ANKRD6: variants seen among roughly 807,000 people sequenced by gnomAD.
ANKRD6 encodes ankyrin repeat domain 6.
ANKRD6 carries 56 observed loss-of-function variants against 82.3 expected under a neutral mutation model. That is an observed-to-expected ratio of 0.68 (90% CI 0.55 to 0.85). The LOEUF is 0.85. ANKRD6 is among the 40% of genes least tolerant of loss of function. The probability of loss-of-function intolerance (pLI) is 0.00; values close to 1 mark genes in which losing one functional copy is unlikely to be tolerated. For missense variants in ANKRD6, 852 were observed against 907.6 expected, an observed-to-expected ratio of 0.94 and a Z score of 0.79; for synonymous variants, 347 against 352.1, an observed-to-expected ratio of 0.99 and a Z score of 0.16.
chr6:89,522,031 G>A (rs181832792), intron 1 of ANKRD6, among the ~76,000 whole-genome samples: 22 of 152,292 alleles, frequency 1.4e-4, no homozygotes, highest in Non-Finnish European at 2.9e-4. Flanking sequence ...CAGTTGAAAT[G>A]CCTTGGCATC....
chr6:89,522,804 G>T (rs1261210182), intron 1 of ANKRD6, among the ~76,000 whole-genome samples: 1 of 152,134 alleles, frequency 6.6e-6, no homozygotes, highest in Non-Finnish European at 1.5e-5. Flanking sequence ...GAGTCTCATA[G>T]CCTTGTGCCC....
At chr6:89,498,046 A>T (rs2127871605) in intron 1 of ANKRD6, among the ~76,000 whole-genome samples, 1 of 152,338 alleles carries the variant, frequency 6.6e-6, no homozygotes, top group South Asian at 2.1e-4. Flanking sequence ...ATATGTTAAT[A>T]TCAGTTCCAG....
At chr6:89,499,348 C>G (rs567659665) in intron 1 of ANKRD6, among the ~76,000 whole-genome samples, 1 of 152,284 alleles carries the variant, frequency 6.6e-6, no homozygotes, top group South Asian at 2.1e-4. Flanking sequence ...TTTGTGAGGC[C>G]TGGTGAGCCT....
intron 1 of ANKRD6, among the ~76,000 whole-genome samples, chr6:89,441,196 G>A (rs1054266000): frequency 2.0e-5 from 3 of 152,260 alleles, no homozygotes; most frequent in African/African-American, 7.2e-5. Flanking sequence ...TGTCTCCCAG[G>A]CTGGAGTGCA....
chr6:89,619,110 C>T (rs1383427809), intron 9 of ANKRD6, among the ~76,000 whole-genome samples: 1 of 151,906 alleles, frequency 6.6e-6, no homozygotes, highest in Non-Finnish European at 1.5e-5. Context: ...AGATTTTTGT[C>T]TTTTGCAAAA....
chr6:89,495,752 AT>A (rs1209470560), intron 1 of ANKRD6, among the ~76,000 whole-genome samples: 1 of 152,172 alleles, frequency 6.6e-6, no homozygotes, highest in Non-Finnish European at 1.5e-5. Context: ...GCTCATTATA[AT>A]TTATTGCATT....
At chr6:89,522,918 A>G (rs1255500741) in intron 1 of ANKRD6, among the ~76,000 whole-genome samples, 1 of 152,112 alleles carries the variant, frequency 6.6e-6, no homozygotes, top group Admixed American at 6.5e-5. Context: ...GCCCTACCTC[A>G]ATCCTCCTGA....
rs565279644 is a variant in ANKRD6 at position 89,531,805 on chromosome 6, T to A, written c.-143-35029T>A. Among the ~76,000 whole-genome samples the A allele has an allele frequency of 7.9e-5, 12 of 152,298 alleles. No homozygotes were observed. The South Asian group carries it at 2.5e-3, about 32-fold the overall frequency. On this transcript the variant is annotated intron_variant, in intron 1 of 15. Transcript: ENST00000339746. ...TTCTCCTACAAAAAAGGCCAATAGG[T>A]TGTGTGTATATAGAGAAAAAGATTT...
chr6:89,458,262 T>A (rs1773713795), intron 1 of ANKRD6, among the ~76,000 whole-genome samples: 1 of 152,234 alleles, frequency 6.6e-6, no homozygotes, highest in Non-Finnish European at 1.5e-5. Context: ...GATTTTGGGC[T>A]ATAACTGTGG....
chr6:89,628,878 C>A (rs1806618636), intron 14 of ANKRD6: 10 of 502,678 alleles, frequency 2.0e-5, no homozygotes, highest in South Asian at 1.5e-4. Flanking sequence ...GACACAAACA[C>A]CTCCCATGAG....
In ANKRD6 at chr6:89,631,533, A is replaced by G. The variant is rs1807393708; in HGVS notation, c.*529A>G. 2 of 152,380 alleles carry G rather than the reference A, an allele frequency of 1.3e-5. No individual in the cohort carries two copies. The highest frequency in any genetic ancestry group is 4.1e-4 in the South Asian group (2 of 4,832). The allele number at this position is 152,380 out of a possible 1,614,324, so 9.4% of individuals were successfully genotyped here. On this transcript the variant is annotated 3_prime_UTR_variant, in exon 16 of 16. Transcript: ENST00000339746. ...CTCCAACTGTTGACATTTTAATCAC[A>G]TGAAAAGTTATCAGATTTTTGAGGA...
intron 1 of ANKRD6, among the ~76,000 whole-genome samples, chr6:89,492,763 C>T (rs1472421430): frequency 6.6e-6 from 1 of 152,180 alleles, no homozygotes; most frequent in Non-Finnish European, 1.5e-5. Context: ...ACAGGCCCTC[C>T]CCATTCTAGA....
chr6:89,561,910 A>T (rs772731317), intron 1 of ANKRD6, among the ~76,000 whole-genome samples: 1 of 152,220 alleles, frequency 6.6e-6, no homozygotes, highest in Non-Finnish European at 1.5e-5. Flanking sequence ...ATTGCAGTCC[A>T]TTCCATTGCC....
chr6:89,488,182 G>A (rs762192009), intron 1 of ANKRD6, among the ~76,000 whole-genome samples: 3 of 152,196 alleles, frequency 2.0e-5, no homozygotes, highest in Non-Finnish European at 4.4e-5. Context: ...GCCTTCACCT[G>A]TATCCAGTGC....
intron 9 of ANKRD6, chr6:89,619,995 G>A (rs961677027): frequency 6.6e-6 from 1 of 152,270 alleles, no homozygotes; most frequent in Non-Finnish European, 1.5e-5. Flanking sequence ...GGGATTACAG[G>A]TGCCTGCCAC....
intron 11 of ANKRD6, 128 bp downstream of exon 11, chr6:89,623,672 G>A: frequency 7.2e-7 from 1 of 1,388,646 alleles, no homozygotes; most frequent in Non-Finnish European, 9.6e-7. Context: ...CCAGAGCACA[G>A]AAATTAAATC....
At position 89,630,493 on chromosome 6, in the gene ANKRD6, T is replaced by C; in HGVS notation, c.1673T>C (p.Val558Ala). The C allele has an allele frequency of 6.2e-7, 1 of 1,614,022 alleles. No homozygotes were observed. Among genetic ancestry groups the C allele is most frequent in the South Asian group, 1.1e-5 (1 of 91,088 alleles). ...PAAASDSSPPVVRPKEKALNS... is the reference protein window; with the variant it reads ...PAAASDSSPPAVRPKEKALNS... ...GCAGCTTCCGACAGCTCCCCTCCAG[T>C]GGTTAGGCCCAAAGAGAAGGCCCTC... is the stretch of plus-strand genomic sequence containing the variant. The change falls in exon 16 of 16, where the codon GTG (valine) becomes GCG (alanine). Residue 558 changes from valine (V) to alanine (A), a missense_variant. Transcript: ENST00000339746.
intron 1 of ANKRD6, among the ~76,000 whole-genome samples, chr6:89,504,216 C>T (rs1184826055): frequency 1.3e-5 from 2 of 151,728 alleles, no homozygotes; most frequent in African/African-American, 2.4e-5. Context: ...GTGATGGAGG[C>T]CTGCATCAAG....
chr6:89,524,060 A>T (rs1782178066), intron 1 of ANKRD6, among the ~76,000 whole-genome samples: 1 of 152,166 alleles, frequency 6.6e-6, no homozygotes, highest in Non-Finnish European at 1.5e-5. Flanking sequence ...GTAGGATGAT[A>T]ACCTTTGGCA....
Sources: gnomAD v4.1 joint callset for allele counts (sites outside exome capture counted in the v4.1 genomes callset) on GRCh38, gnomAD v4.1.1 for gene constraint, MANE v1.5 for transcripts, NCBI Gene and HGNC (gene_info 2026-07-23, HGNC 2026-07-21) for gene names.